Variants in PTGES2 observed in about 807,000 individuals in gnomAD.
PTGES2 encodes prostaglandin E synthase 2.
In PTGES2, 35 loss-of-function variants were observed where a neutral mutation model predicts 44.5. That is an observed-to-expected ratio of 0.79 (90% CI 0.60 to 1.04). PTGES2 has a LOEUF of 1.04. Ranked by LOEUF, PTGES2 falls within the 50% of genes least tolerant of loss-of-function variation. The pLI is 0.00. For missense variants in PTGES2, 517 were observed against 521.4 expected (o/e 0.99, Z 0.08); for synonymous variants, 221 against 227.5 (o/e 0.97, Z 0.26).
chr9:128,122,538 G>C (rs1242628691), intron 5 of PTGES2, 59 bp from the exon 6 acceptor site: 26 of 1,453,262 alleles, frequency 1.8e-5, no homozygotes, highest in Non-Finnish European at 2.4e-5. Flanking sequence ...CAGCAGGGAA[G>C]AGGGTCTCCT....
chr9:128,128,221 G>A (rs1834729355), upstream of PTGES2: 1 of 435,832 alleles, frequency 2.3e-6, no homozygotes, highest in Non-Finnish European at 4.6e-6. Flanking sequence ...TTCCTACTGT[G>A]ACCCGAACCA....
rs774656506 is a variant in PTGES2 at position 128,125,390 on chromosome 9, G to A, written c.331C>T (p.Pro111Ser). 1.2e-6 allele frequency: 2 copies of A among 1,614,180 alleles called. No homozygotes were observed. Among genetic ancestry groups the A allele is most frequent in the East Asian group, 2.2e-5 (1 of 44,888 alleles). Residue 111 changes from proline (P) to serine (S), a missense_variant, in exon 2 of 7, where the codon CCC (proline) becomes TCC (serine). By Grantham distance (74) the Pro-to-Ser change is moderately conservative. Transcript: ENST00000338961. ...QLTLYQYKTC[P>S]FCSKVRAFLD... is the part of the protein sequence containing the mutation. Reference sequence around the variant, plus strand: ...AAGGCTCGGACCTTGCTGCAGAAGGGACACGTCTTGTACTGGTACAGGGTC... The same window carrying A: ...AAGGCTCGGACCTTGCTGCAGAAGGAACACGTCTTGTACTGGTACAGGGTC...
chr9:128,124,939 G>T, intron 2 of PTGES2: 1 of 1,132,694 alleles, frequency 8.8e-7, no homozygotes, highest in Non-Finnish European at 1.2e-6. Flanking sequence ...TAAGTGACTT[G>T]CCCCAAGTCA....
chr9:128,125,285 T>C lies in PTGES2; in HGVS notation c.436A>G (p.Arg146Gly), dbSNP rs1035391498. 6.2e-7 allele frequency: 1 copy of C among 1,610,380 alleles called. No individual in the cohort carries two copies. The highest frequency in any genetic ancestry group is 1.3e-5 in the African/African-American group (1 of 74,810). Residue 146 changes from arginine (R) to glycine (G), a missense_variant, in exon 2 of 7, where the codon AGA becomes GGA. Arg to Gly is a moderately radical substitution (Grantham distance 125). Coordinates refer to ENST00000338961, the MANE Select transcript of PTGES2 (RefSeq NM_025072.7). Reference sequence around the variant, plus strand: ...TGGGCCACCAGGATGGGCACCTTTCTGTAGGAGGAGAACTTGATCTCAGCC... The same window carrying C: ...TGGGCCACCAGGATGGGCACCTTTCCGTAGGAGGAGAACTTGATCTCAGCC... ...RRAEIKFSSY[R>G]KVPILVAQEG...
At chr9:128,126,364 TG>T (rs779625020) in intron 1 of PTGES2, among the ~76,000 whole-genome samples, 10 of 151,542 alleles carry the variant, frequency 6.6e-5, no homozygotes, top group East Asian at 1.9e-4. Flanking sequence ...GGTCACCACT[TG>T]GGGGGGGCAC....
chr9:128,123,025 G>A lies in PTGES2; in HGVS notation c.796C>T (p.Arg266Cys), dbSNP rs368606962. ...EALASFDYIV[R>C]EGKFGAVEGA... ...TCCACGGCTCCGAACTTGCCCTCGC[G>A]GACAATGTAGTCAAAGGACGCCAGA... The change falls in exon 5 of 7, where the codon CGC becomes TGC. Residue 266 changes from arginine (R) to cysteine (C), a missense_variant. Arg to Cys is a radical substitution (Grantham distance 180). Coordinates refer to ENST00000338961, the MANE Select transcript of PTGES2 (RefSeq NM_025072.7). This position sits in a 1 kb window ranked among gnomAD's most constrained non-coding sequence, Gnocchi z 4.4. 27 of 1,613,886 alleles carry A rather than the reference G, an allele frequency of 1.7e-5. No homozygotes were observed. In the Middle Eastern group the frequency reaches 4.9e-4, roughly 30 times the overall value.
At chr9:128,122,642 G>C (rs1422947696) in intron 5 of PTGES2, 163 bp from the exon 6 acceptor site, 2 of 654,094 alleles carry the variant, frequency 3.1e-6, no homozygotes, top group Middle Eastern at 4.0e-4. Flanking sequence ...TCCCAGACGG[G>C]GAGGCTGTGG....
chr9:128,125,325 C>T lies in PTGES2; in HGVS notation c.396G>A (p.Val132=). 1 of 1,614,060 alleles carries T rather than the reference C, an allele frequency of 6.2e-7. No homozygotes were observed. The highest frequency in any genetic ancestry group is 1.1e-5 in the South Asian group (1 of 91,078). Residue 132 remains valine (V), a synonymous_variant, in exon 2 of 7, where the codon GTG becomes GTA. Transcript: ENST00000338961. Reference sequence around the variant, plus strand: ...TGATCTCAGCCCTGCGCACAGGGTTCACCTCCACCACCTGGTAGGGCAGGG... The same window carrying T: ...TGATCTCAGCCCTGCGCACAGGGTTTACCTCCACCACCTGGTAGGGCAGGG... The part of the protein sequence containing the change: ...FHALPYQVVE[V]NPVRRAEIKF...
At position 128,122,325 on chromosome 9, in the gene PTGES2, C is replaced by T. The variant is rs369009570; in HGVS notation, c.1005+37G>A. ...ACCTCCCCCACTCTGAGGACAGAACCCTCGGTCCAGGCACCACCTGCCACC... is the reference window on the plus strand; with the variant it reads ...ACCTCCCCCACTCTGAGGACAGAACTCTCGGTCCAGGCACCACCTGCCACC... On this transcript the variant is annotated intron_variant, in intron 6 of 6. Transcript: ENST00000338961. 3.3e-5 allele frequency: 51 copies of T among 1,542,438 alleles called. No homozygotes were observed. In the Middle Eastern group the frequency reaches 8.4e-4, roughly 25 times the overall value.
Position 128,121,072 on chromosome 9 carries a change from C to T in PTGES2, c.*73G>A, listed in dbSNP as rs1028410476. Reference sequence around the variant, plus strand: ...CCTGCCCCCAACCAGTATCGCCAGGCGCTGGCCCAGTGGCCCCAGGCCCTG... The same window carrying T: ...CCTGCCCCCAACCAGTATCGCCAGGTGCTGGCCCAGTGGCCCCAGGCCCTG... On this transcript the variant is annotated 3_prime_UTR_variant, in exon 7 of 7. Coordinates refer to ENST00000338961, the MANE Select transcript of PTGES2 (RefSeq NM_025072.7). The T allele has an allele frequency of 2.7e-5, 42 of 1,534,156 alleles. No homozygotes were observed. Among genetic ancestry groups the T allele is most frequent in the Non-Finnish European group, 3.3e-5 (38 of 1,137,554 alleles).
chr9:128,123,145 G>A lies in PTGES2; in HGVS notation c.687-11C>T, dbSNP rs760376445. On this transcript the variant is annotated splice_polypyrimidine_tract_variant and intron_variant, in intron 4 of 6. Coordinates refer to ENST00000338961, the MANE Select transcript of PTGES2 (RefSeq NM_025072.7). This position sits in a 1 kb window ranked among gnomAD's most constrained non-coding sequence, Gnocchi z 4.4. ...CACTTCATCTCCTCCCTGCGGGCAC[G>A]GGAGGGACTTCCTAAGCCAGGACCC... 5.9e-5 allele frequency: 94 copies of A among 1,606,270 alleles called. No individual in the cohort carries two copies. The South Asian group carries it at 7.4e-4, about 13-fold the overall frequency.
At chr9:128,125,175 C>G (rs1834569974) in intron 2 of PTGES2, 69 bp downstream of exon 2, 1 of 1,431,036 alleles carries the variant, frequency 7.0e-7, no homozygotes. Flanking sequence ...CAGAGCCAGG[C>G]CAGGCTAGGG....
upstream of PTGES2, chr9:128,128,168 C>G (rs1211191113): frequency 3.7e-5 from 5 of 134,572 alleles, no homozygotes; most frequent in Middle Eastern, 1.6e-3. Flanking sequence ...CGACCCGGCA[C>G]CAGGTGTTGC....
chr9:128,125,468 C>T, intron 1 of PTGES2, 27 bp from the exon 2 acceptor site: 1 of 1,610,966 alleles, frequency 6.2e-7, no homozygotes, highest in East Asian at 2.2e-5. Flanking sequence ...GAAAAGGCTT[C>T]TAGACCTGGC....
chr9:128,121,535 T>G (rs920072715), intron 6 of PTGES2, among the ~76,000 whole-genome samples: 1 of 152,000 alleles, frequency 6.6e-6, no homozygotes, highest in African/African-American at 2.4e-5. Context: ...TGCCCTCCCC[T>G]CATCTCAGGT....
chr9:128,122,758 A>C, intron 5 of PTGES2, 176 bp downstream of exon 5: 4 of 697,996 alleles, frequency 5.7e-6, no homozygotes, highest in Non-Finnish European at 9.6e-6. Flanking sequence ...GGAGGTGAGC[A>C]GGAGCTCTGG....
chr9:128,127,373 G>A (rs1410316671), intron 1 of PTGES2, 66 bp downstream of exon 1: 12 of 1,285,862 alleles, frequency 9.3e-6, no homozygotes, highest in Non-Finnish European at 1.2e-5. Flanking sequence ...CTGACCCTGC[G>A]GGTTCCCAGG....
rs756316737 is a variant in PTGES2 at position 128,122,485 on chromosome 9, CG to C, written c.888-7del. 1 of 1,612,642 alleles carries C rather than the reference CG, an allele frequency of 6.2e-7. No homozygotes were observed. Among genetic ancestry groups the C allele is most frequent in the Non-Finnish European group, 8.5e-7 (1 of 1,178,970 alleles). The stretch of plus-strand genomic sequence containing the variant: ...CGTTGTCCTGGAGGCGGTGCCTGGG[CG>C]GGGAAGGGAAAAGCCCCTCAGGGGA... On this transcript the variant is annotated splice_polypyrimidine_tract_variant and splice_region_variant and intron_variant, in intron 5 of 6. Coordinates refer to ENST00000338961, the MANE Select transcript of PTGES2 (RefSeq NM_025072.7).
upstream of PTGES2, chr9:128,128,213 CCTA>C (rs1314291175): frequency 2.4e-5 from 10 of 423,126 alleles, no homozygotes; most frequent in Middle Eastern, 3.5e-4. Flanking sequence ...TTGTCCGCTT[CCTA>C]CTGTGACCCG....
Sources: gnomAD v4.1 joint callset for allele counts (sites outside exome capture counted in the v4.1 genomes callset) on GRCh38, gnomAD v4.1.1 for gene constraint, Gnocchi (gnomAD v3.1) non-coding constraint, MANE v1.5 for transcripts, NCBI Gene and HGNC (gene_info 2026-07-23, HGNC 2026-07-21) for gene names.